The following MTMR3 variants were observed in gnomAD, a reference collection of about 807,000 sequenced individuals.
MTMR3 encodes phosphatidylinositol-3,5-bisphosphate 3-phosphatase MTMR3.
MTMR3 carries 32 observed loss-of-function variants against 132.4 expected under a neutral mutation model. The ratio of observed to expected loss-of-function variants is 0.24; its 90% CI spans 0.18 to 0.32. The LOEUF is 0.32. Among genes scored for constraint, MTMR3 ranks in the 10% least tolerant of loss-of-function variants. The pLI is 1.00. For missense variants in MTMR3, 1,216 were observed against 1,489.6 expected, an observed-to-expected ratio of 0.82 and a Z score of 3.02; for synonymous variants, 556 against 550.3, an observed-to-expected ratio of 1.01 and a Z score of -0.14.
chr22:29,924,197 A>T (rs1457937453), intron 1 of MTMR3, among the ~76,000 whole-genome samples: 1 of 152,166 alleles, frequency 6.6e-6, no homozygotes, highest in Admixed American at 6.5e-5. Flanking sequence ...ATTTGAGTTA[A>T]TTTTTAAATT....
chr22:29,909,678 ACT>A (rs1255809807), intron 1 of MTMR3, among the ~76,000 whole-genome samples: 5 of 151,948 alleles, frequency 3.3e-5, no homozygotes, highest in Non-Finnish European at 7.4e-5. Flanking sequence ...ATTAATTGTA[ACT>A]CTTCATTTTT....
rs1205163820 is a variant in MTMR3 at position 30,030,141 on chromosome 22, T to A, written c.*4340T>A. The A allele has an allele frequency of 6.6e-6, 1 of 152,234 alleles. No individual in the cohort carries two copies. Among genetic ancestry groups the A allele is most frequent in the Non-Finnish European group, 1.5e-5 (1 of 68,014 alleles). The allele number at this position is 152,234 out of a possible 1,614,324, so 9.4% of individuals were successfully genotyped here. The stretch of plus-strand genomic sequence containing the variant: ...TGAAGGTCTGGGCAGGGGAAGGGCG[T>A]CTTCTGAAATGGGAGTTACCAGGTT... On this transcript the variant is annotated 3_prime_UTR_variant, in exon 20 of 20. Transcript: ENST00000401950.
At chr22:29,948,491 C>T (rs2065992837) in intron 1 of MTMR3, among the ~76,000 whole-genome samples, 1 of 152,100 alleles carries the variant, frequency 6.6e-6, no homozygotes, top group Non-Finnish European at 1.5e-5. Flanking sequence ...TTCCAAATGT[C>T]TTCTAGAATT....
chr22:29,986,620 C>T (rs559213816), intron 5 of MTMR3: 1 of 977,922 alleles, frequency 1.0e-6, no homozygotes, highest in African/African-American at 1.8e-5. Context: ...GCCAAAAGCT[C>T]CTTTTGTTCT....
chr22:29,901,716 A>T (rs1181906098), intron 1 of MTMR3, among the ~76,000 whole-genome samples: 1 of 151,844 alleles, frequency 6.6e-6, no homozygotes, highest in Non-Finnish European at 1.5e-5. Flanking sequence ...TTTTGTTTTA[A>T]TTTTTGTTTG....
At chr22:29,938,876 C>G (rs978764669) in intron 1 of MTMR3, among the ~76,000 whole-genome samples, 2 of 151,848 alleles carry the variant, frequency 1.3e-5, no homozygotes, top group African/African-American at 4.8e-5. Context: ...GGCTAGAGTG[C>G]AGTGTCGTGA....
chr22:29,895,068 C>T (rs903560893), intron 1 of MTMR3, among the ~76,000 whole-genome samples: 3 of 151,952 alleles, frequency 2.0e-5, no homozygotes, highest in African/African-American at 4.8e-5. Context: ...ATTAACGGGG[C>T]GCGGTGGTGG....
chr22:29,955,340 A>G (rs901480560), intron 1 of MTMR3, among the ~76,000 whole-genome samples: 2 of 152,230 alleles, frequency 1.3e-5, no homozygotes, highest in African/African-American at 4.8e-5. Context: ...AAGGAAAAAT[A>G]AAAAGGAAAA....
intron 1 of MTMR3, among the ~76,000 whole-genome samples, chr22:29,896,867 T>TCACACACA (rs1491465662): frequency 4.9e-4 from 18 of 36,722 alleles, no homozygotes; most frequent in Admixed American, 1.4e-3. Context: ...AACAGGCTTG[T>TCACACACA]CTCACACACA....
At chr22:29,998,710 T>C in intron 7 of MTMR3, 51 bp from the exon 8 acceptor site, 9 of 1,329,634 alleles carry the variant, frequency 6.8e-6, no homozygotes, top group Non-Finnish European at 9.5e-6. Flanking sequence ...CCACCTGTTT[T>C]GCAAAATGGT....
At chr22:29,894,926 G>A (rs551586348) in intron 1 of MTMR3, among the ~76,000 whole-genome samples, 2 of 152,160 alleles carry the variant, frequency 1.3e-5, no homozygotes, top group South Asian at 2.1e-4. Flanking sequence ...TAAAGAGTAA[G>A]ATTAGGCTGG....
At chr22:29,986,176 C>T (rs540828574) in intron 5 of MTMR3, 1 of 152,178 alleles carries the variant, frequency 6.6e-6, no homozygotes, top group Non-Finnish European at 1.5e-5. Context: ...TAGTTGTGAC[C>T]AAGGTTCAGA....
At chr22:29,921,755 C>G (rs2065418375) in intron 1 of MTMR3, among the ~76,000 whole-genome samples, 2 of 151,932 alleles carry the variant, frequency 1.3e-5, no homozygotes, top group Non-Finnish European at 2.9e-5. Context: ...CCGTACATAC[C>G]TCCATATAAG....
At chr22:29,960,538 A>T (rs965519538) in intron 2 of MTMR3, among the ~76,000 whole-genome samples, 7 of 152,254 alleles carry the variant, frequency 4.6e-5, no homozygotes, top group Non-Finnish European at 8.8e-5. Flanking sequence ...CATTTAATGA[A>T]GTACAGTCTT....
chr22:29,885,426 A>C (rs2064654334), intron 1 of MTMR3, among the ~76,000 whole-genome samples: 1 of 152,228 alleles, frequency 6.6e-6, no homozygotes, highest in Non-Finnish European at 1.5e-5. Flanking sequence ...TATGTAGGGG[A>C]AACAGATTTG....
chr22:29,897,292 G>T (rs964471281), intron 1 of MTMR3, among the ~76,000 whole-genome samples: 4 of 151,906 alleles, frequency 2.6e-5, no homozygotes, highest in Non-Finnish European at 5.9e-5. Context: ...GGCCAGGATG[G>T]TCTTGATCTC....
chr22:29,967,281 C>T (rs2066447129), intron 2 of MTMR3, among the ~76,000 whole-genome samples: 2 of 151,740 alleles, frequency 1.3e-5, no homozygotes, highest in Non-Finnish European at 2.9e-5. Context: ...CTTGCTCTGT[C>T]ACTCAGGCTG....
chr22:29,986,388 C>A (rs912543072), intron 5 of MTMR3: 1 of 180,732 alleles, frequency 5.5e-6, no homozygotes, highest in African/African-American at 2.4e-5. Flanking sequence ...GTGTCTGTTA[C>A]AGGCTACCCA....
chr22:29,935,777 G>A (rs1221164701), intron 1 of MTMR3, among the ~76,000 whole-genome samples: 3 of 115,386 alleles, frequency 2.6e-5, no homozygotes, highest in East Asian at 5.0e-4. Flanking sequence ...GAGTCATGCT[G>A]TGTCTCACTC....
Sources: allele counts gnomAD v4.1 joint callset (sites outside exome capture counted in the v4.1 genomes callset), GRCh38; gene constraint gnomAD v4.1.1; transcripts MANE v1.5; gene names NCBI Gene and HGNC (gene_info 2026-07-23, HGNC 2026-07-21).